IMMP2L: variants seen among roughly 807,000 people sequenced by gnomAD.
IMMP2L encodes mitochondrial inner membrane protease subunit 2.
A neutral mutation model predicts 19.3 loss-of-function variants in IMMP2L; 18 were observed. The ratio of observed to expected loss-of-function variants is 0.93; its 90% CI spans 0.64 to 1.38. The LOEUF (loss-of-function observed/expected upper bound fraction) is 1.38. IMMP2L is among the 40% of genes most tolerant of loss of function. The pLI is 0.00. For missense variants in IMMP2L, 233 were observed against 218.2 expected (o/e 1.07, Z -0.43); for synonymous variants, 76 against 73.0 (o/e 1.04, Z -0.21).
At chr7:110,795,097 G>C (rs999660319) in intron 5 of IMMP2L, among the ~76,000 whole-genome samples, 2 of 152,038 alleles carry the variant, frequency 1.3e-5, no homozygotes, top group Non-Finnish European at 2.9e-5. Flanking sequence ...TCCAAACAAA[G>C]AGAATAAGAA....
rs191250814 is a variant in IMMP2L at position 111,241,422 on chromosome 7, T to C, written c.239+245816A>G. ...AGAAATACGCAAAGATGAAAATACA[T>C]ATGCTCTGGAACTAGACAGAGACAG... On this transcript the variant is annotated intron_variant, in intron 3 of 5. Transcript: ENST00000405709. Among the ~76,000 whole-genome samples the C allele has an allele frequency of 2.6e-5, 4 of 152,056 alleles. No homozygotes were observed. The East Asian group carries it at 7.7e-4, about 29-fold the overall frequency.
intron 4 of IMMP2L, among the ~76,000 whole-genome samples, chr7:110,952,307 C>T (rs1378302711): frequency 2.6e-5 from 4 of 152,074 alleles, no homozygotes; most frequent in Admixed American, 6.6e-5. Context: ...CTAGAGTTTG[C>T]GATTTTTTGA....
chr7:111,281,013 T>C (rs888657969), intron 3 of IMMP2L, among the ~76,000 whole-genome samples: 3 of 149,848 alleles, frequency 2.0e-5, no homozygotes, highest in Admixed American at 6.7e-5. Flanking sequence ...GAGCTTGCTG[T>C]GAGTGGAGAT....
intron 5 of IMMP2L, chr7:110,725,592 C>T (rs1795836288): frequency 6.6e-6 from 1 of 152,096 alleles, no homozygotes; most frequent in Non-Finnish European, 1.5e-5. Flanking sequence ...GGGGAAAGAA[C>T]TAACATTTGC....
chr7:110,914,858 A>G (rs989536940), intron 4 of IMMP2L, among the ~76,000 whole-genome samples: 4 of 152,168 alleles, frequency 2.6e-5, no homozygotes, highest in Admixed American at 2.0e-4. Context: ...AATCAAAATC[A>G]CTAATCATCA....
chr7:110,770,163 T>C (rs1327175594), intron 5 of IMMP2L, among the ~76,000 whole-genome samples: 3 of 152,178 alleles, frequency 2.0e-5, no homozygotes, highest in African/African-American at 7.2e-5. Context: ...AATAGTGCTA[T>C]AAAATCTCAG....
intron 4 of IMMP2L, among the ~76,000 whole-genome samples, chr7:110,903,724 C>T (rs534176273): frequency 2.6e-4 from 39 of 151,922 alleles, no homozygotes; most frequent in African/African-American, 9.2e-4. Flanking sequence ...CATAGGAGTG[C>T]ATATATTTCT....
In IMMP2L at chr7:111,213,836, G is replaced by A. The variant is rs373727883; in HGVS notation, c.240-250271C>T. ...AGAGCTATCCAACGTGGGTCTCCTC[G>A]GAGCTGTTCTGTTGCTCAATAAAGT... On this transcript the variant is annotated intron_variant, in intron 3 of 5. Coordinates refer to ENST00000405709, the MANE Select transcript of IMMP2L (RefSeq NM_032549.4). The surrounding 1 kb of genome is among the most constrained non-coding windows in gnomAD (Gnocchi z 4.8). 2.6e-5 allele frequency among the ~76,000 whole-genome samples: 4 copies of A among 152,130 alleles called. No individual in the cohort carries two copies. Among genetic ancestry groups the A allele is most frequent in the East Asian group, 1.9e-4 (1 of 5,194 alleles).
intron 3 of IMMP2L, among the ~76,000 whole-genome samples, chr7:111,306,252 G>C (rs1327335197): frequency 2.6e-5 from 4 of 152,052 alleles, no homozygotes; most frequent in African/African-American, 9.7e-5. Context: ...TTACAAACTT[G>C]TCCAAAGCCA....
intron 3 of IMMP2L, among the ~76,000 whole-genome samples, chr7:111,199,540 TA>T (rs1168799924): frequency 6.6e-6 from 1 of 152,174 alleles, no homozygotes; most frequent in Non-Finnish European, 1.5e-5. Flanking sequence ...TGGTAATCAC[TA>T]AAGTTATTCT....
intron 5 of IMMP2L, among the ~76,000 whole-genome samples, chr7:110,771,075 T>C (rs1266249838): frequency 6.6e-6 from 1 of 152,116 alleles, no homozygotes; most frequent in Non-Finnish European, 1.5e-5. Context: ...ATGATGGCAA[T>C]GTCAAGGGAA....
intron 3 of IMMP2L, among the ~76,000 whole-genome samples, chr7:111,184,124 G>C (rs143125199): frequency 2.0e-4 from 31 of 151,872 alleles, no homozygotes; most frequent in Admixed American, 1.6e-3. Flanking sequence ...TCATACTATG[G>C]TTTACTACTT....
intron 3 of IMMP2L, among the ~76,000 whole-genome samples, chr7:111,352,181 G>A (rs1828230298): frequency 2.6e-5 from 4 of 152,034 alleles, no homozygotes; most frequent in South Asian, 2.1e-4. Flanking sequence ...AAAACCTACA[G>A]GAATGGTAAT....
intron 3 of IMMP2L, among the ~76,000 whole-genome samples, chr7:111,079,579 C>T (rs1795716110): frequency 6.6e-6 from 1 of 152,154 alleles, no homozygotes; most frequent in Admixed American, 6.5e-5. Flanking sequence ...TGAGGTACTG[C>T]ATAATTCAAA....
intron 4 of IMMP2L, among the ~76,000 whole-genome samples, chr7:110,929,018 C>A (rs1327932206): frequency 6.6e-6 from 1 of 152,034 alleles, no homozygotes; most frequent in Non-Finnish European, 1.5e-5. Flanking sequence ...TAGCCCATCT[C>A]TGTGTTTTAC....
chr7:111,440,838 C>T (rs182575732), intron 3 of IMMP2L, among the ~76,000 whole-genome samples: 6 of 151,848 alleles, frequency 4.0e-5, no homozygotes, highest in Admixed American at 6.6e-5. Context: ...GTAGTGTAGG[C>T]GCCTTTGTCA....
At chr7:111,533,950 T>A (rs1585557024) in intron 1 of IMMP2L, among the ~76,000 whole-genome samples, 1 of 151,882 alleles carries the variant, frequency 6.6e-6, no homozygotes, top group African/African-American at 2.4e-5. Context: ...ATTACACAAT[T>A]CTTATAAAGT....
chr7:110,912,702 A>T (rs1813190388), intron 4 of IMMP2L, among the ~76,000 whole-genome samples: 1 of 152,112 alleles, frequency 6.6e-6, no homozygotes, highest in South Asian at 2.1e-4. Flanking sequence ...TGTAAAAACA[A>T]GAAAGCAAAC....
At chr7:111,006,602 T>G (rs1824314844) in intron 3 of IMMP2L, among the ~76,000 whole-genome samples, 2 of 152,146 alleles carry the variant, frequency 1.3e-5, no homozygotes, top group South Asian at 4.1e-4. Flanking sequence ...AGCAACAATT[T>G]TATCTAATGT....
Sources: gnomAD v4.1 joint callset for allele counts (sites outside exome capture counted in the v4.1 genomes callset) on GRCh38, gnomAD v4.1.1 for gene constraint, Gnocchi (gnomAD v3.1) non-coding constraint, MANE v1.5 for transcripts, NCBI Gene and HGNC (gene_info 2026-07-23, HGNC 2026-07-21) for gene names.